GRID2: variants seen among roughly 807,000 people sequenced by gnomAD.
GRID2 encodes glutamate ionotropic receptor delta type subunit 2.
A neutral mutation model predicts 114.8 loss-of-function variants in GRID2; 33 were observed. The ratio of observed to expected loss-of-function variants is 0.29; its 90% confidence interval spans 0.22 to 0.38. The LOEUF (loss-of-function observed/expected upper bound fraction) is 0.38, where lower values mean the gene tolerates loss of function less well. Ranked by LOEUF, GRID2 falls within the 10% of genes least tolerant of loss-of-function variation. The pLI is 1.00. For missense variants in GRID2, 1,184 were observed against 1,257.7 expected (o/e 0.94, Z 0.89); for synonymous variants, 505 against 449.9 (o/e 1.12, Z -1.55).
chr4:93,010,419 G>A (rs1722012665), intron 2 of GRID2, among the ~76,000 whole-genome samples: 1 of 151,810 alleles, frequency 6.6e-6, no homozygotes, highest in African/African-American at 2.4e-5. Context: ...CGGGTTTATT[G>A]CAAAAGGATA....
intron 14 of GRID2, among the ~76,000 whole-genome samples, chr4:93,753,920 G>C (rs979042491): frequency 6.6e-6 from 1 of 152,276 alleles, no homozygotes; most frequent in East Asian, 1.9e-4. Flanking sequence ...GGATCACTTA[G>C]TGATGGGGAT....
At chr4:92,409,946 A>C (rs1399519930) in intron 1 of GRID2, among the ~76,000 whole-genome samples, 2 of 152,162 alleles carry the variant, frequency 1.3e-5, no homozygotes, top group African/African-American at 4.8e-5. Context: ...ACTTCTAATA[A>C]AGAGAGAAGG....
chr4:92,703,617 TTATATATATATATA>T (rs3971001), intron 2 of GRID2, among the ~76,000 whole-genome samples: 1 of 141,008 alleles, frequency 7.1e-6, no homozygotes, highest in Non-Finnish European at 1.5e-5. Context: ...AGGAAAAACA[TTATATATATATATA>T]TATATATATA....
chr4:93,745,587 T>G (rs535308853), intron 14 of GRID2, among the ~76,000 whole-genome samples: 37 of 152,232 alleles, frequency 2.4e-4, no homozygotes, highest in African/African-American at 8.7e-4. Context: ...AAACCACAGT[T>G]AATGAAGCTC....
At chr4:92,791,392 T>TC (rs1739584057) in intron 2 of GRID2, among the ~76,000 whole-genome samples, 1 of 151,838 alleles carries the variant, frequency 6.6e-6, no homozygotes, top group African/African-American at 2.4e-5. Flanking sequence ...AAAAAATCAC[T>TC]AATGTAAAAC....
chr4:93,093,692 G>A (rs1381604893), intron 3 of GRID2, among the ~76,000 whole-genome samples: 1 of 151,850 alleles, frequency 6.6e-6, no homozygotes, highest in East Asian at 1.9e-4. Flanking sequence ...CTTCCCCCAG[G>A]GCTGGATAGG....
intron 14 of GRID2, among the ~76,000 whole-genome samples, chr4:93,684,742 C>G (rs1419345782): frequency 6.6e-6 from 1 of 151,990 alleles, no homozygotes; most frequent in East Asian, 1.9e-4. Flanking sequence ...GGATGAGGAA[C>G]ACAGTATCTA....
intron 2 of GRID2, among the ~76,000 whole-genome samples, chr4:92,604,943 TC>T (rs1729382232): frequency 6.6e-6 from 1 of 151,754 alleles, no homozygotes; most frequent in Non-Finnish European, 1.5e-5. Flanking sequence ...GCGGGCAGTT[TC>T]CCCCACGCTG....
intron 9 of GRID2, among the ~76,000 whole-genome samples, chr4:93,397,405 C>T (rs367557677): frequency 1.3e-5 from 2 of 151,850 alleles, no homozygotes; most frequent in Admixed American, 6.6e-5. Flanking sequence ...GTCTTTCCTC[C>T]AGTGATTAGC....
intron 2 of GRID2, among the ~76,000 whole-genome samples, chr4:93,049,947 T>C (rs552209965): frequency 6.6e-6 from 1 of 152,152 alleles, no homozygotes; most frequent in South Asian, 2.1e-4. Flanking sequence ...GTAGAATAAA[T>C]TTCTGTGCAT....
intron 7 of GRID2, among the ~76,000 whole-genome samples, chr4:93,228,813 A>AATAGTTTAG (rs1447973480): frequency 6.6e-6 from 1 of 152,170 alleles, no homozygotes; most frequent in Non-Finnish European, 1.5e-5. Context: ...AAGACAAAAT[A>AATAGTTTAG]ATAGTTTAGG....
chr4:93,587,231 C>T (rs1248258562), intron 13 of GRID2, among the ~76,000 whole-genome samples: 2 of 151,990 alleles, frequency 1.3e-5, no homozygotes, highest in African/African-American at 2.4e-5. Context: ...AAATTAGATG[C>T]ACAGGATTAC....
At chr4:93,264,275 G>A (rs1750560554) in intron 8 of GRID2, among the ~76,000 whole-genome samples, 1 of 152,018 alleles carries the variant, frequency 6.6e-6, no homozygotes. Context: ...AATCCAACAG[G>A]TAATTTATAA....
intron 1 of GRID2, among the ~76,000 whole-genome samples, chr4:92,507,740 C>T (rs953368789): frequency 1.3e-5 from 2 of 151,858 alleles, no homozygotes; most frequent in Non-Finnish European, 2.9e-5. Context: ...CTTCTTGCCT[C>T]AGTTGCTTCC....
At chr4:93,796,932 G>A (rs569428455) in intron 1 of GRID2, among the ~76,000 whole-genome samples, 1 of 152,284 alleles carries the variant, frequency 6.6e-6, no homozygotes, top group African/African-American at 2.4e-5. Flanking sequence ...TACGTTCTCA[G>A]AAATATATTG....
intron 1 of GRID2, among the ~76,000 whole-genome samples, chr4:93,780,037 A>G (rs1249030880): frequency 6.6e-6 from 1 of 152,234 alleles, no homozygotes; most frequent in African/African-American, 2.4e-5. Flanking sequence ...TCATGCCTTC[A>G]TGGAGTTCAC....
chr4:92,566,105 G>T (rs557069865), intron 1 of GRID2, among the ~76,000 whole-genome samples: 1 of 152,100 alleles, frequency 6.6e-6, no homozygotes, highest in South Asian at 2.1e-4. Context: ...AATAAACTAT[G>T]TCGATATGCC....
At chr4:93,462,290 C>G (rs142006661) in intron 11 of GRID2, among the ~76,000 whole-genome samples, 2 of 152,234 alleles carry the variant, frequency 1.3e-5, no homozygotes, top group African/African-American at 4.8e-5. Context: ...GCCGATGGAT[C>G]TTAACCAAAT....
chr4:92,619,869 TTTGG>T (rs1275697347), intron 2 of GRID2, among the ~76,000 whole-genome samples: 1 of 151,706 alleles, frequency 6.6e-6, no homozygotes, highest in Non-Finnish European at 1.5e-5. Flanking sequence ...GAGCTCCTTA[TTTGG>T]CCATTTGCGA....
Sources: gnomAD v4.1 joint callset for allele counts (sites outside exome capture counted in the v4.1 genomes callset) on GRCh38, gnomAD v4.1.1 for gene constraint, MANE v1.5 for transcripts, NCBI Gene and HGNC (gene_info 2026-07-23, HGNC 2026-07-21) for gene names.